The following RCHY1 variants were observed in gnomAD, a reference collection of about 807,000 sequenced individuals.
RCHY1 encodes the protein RING finger and CHY zinc finger domain-containing protein 1.
Under a neutral mutation model 41.6 loss-of-function variants are expected in RCHY1, and 21 were observed. The ratio of observed to expected loss-of-function variants is 0.51; its 90% CI spans 0.36 to 0.73. The LOEUF is 0.73. Among genes scored for constraint, RCHY1 ranks in the 30% least tolerant of loss-of-function variants. RCHY1 has a pLI of 0.00. For missense variants in RCHY1, 265 were observed against 325.3 expected (o/e 0.81, Z 1.43); for synonymous variants, 79 against 102.9 (o/e 0.77, Z 1.41).
intron 3 of RCHY1, among the ~76,000 whole-genome samples, chr4:75,501,792 G>A (rs1578228933): frequency 6.6e-6 from 1 of 152,256 alleles, no homozygotes; most frequent in African/African-American, 2.4e-5. Context: ...TAAAAGTTCT[G>A]AAAAGGCTCA....
At chr4:75,513,390 G>C (rs1250573762) in intron 1 of RCHY1, among the ~76,000 whole-genome samples, 1 of 152,140 alleles carries the variant, frequency 6.6e-6, no homozygotes, top group African/African-American at 2.4e-5. Context: ...ACGCCCTTTA[G>C]TATATAATCC....
intron 3 of RCHY1, among the ~76,000 whole-genome samples, chr4:75,499,317 C>G (rs1384263991): frequency 6.6e-6 from 1 of 152,170 alleles, no homozygotes; most frequent in African/African-American, 2.4e-5. Context: ...CCCTTGTATA[C>G]TACTTGTAGA....
chr4:75,491,243 T>A (rs1361064545), intron 7 of RCHY1: 1 of 178,230 alleles, frequency 5.6e-6, no homozygotes, highest in East Asian at 1.5e-4. Context: ...CTACTTTCTT[T>A]TAGTTTACTA....
rs371250778 is a variant in RCHY1, at chr4:75,490,680, A to C, written c.558T>G (p.Cys186Trp). 6.8e-6 allele frequency: 11 copies of C among 1,608,186 alleles called. No individual in the cohort carries two copies. The highest frequency in any genetic ancestry group is 9.4e-6 in the Non-Finnish European group (11 of 1,175,370). The change falls in exon 8 of 9, where the codon TGT becomes TGG. Residue 186 changes from cysteine to tryptophan, a missense_variant. Cys to Trp is a radical substitution (Grantham distance 215). Transcript: ENST00000324439. ...TGGTCATATCTAAAGCAGAGTGCAT[A>C]CATAATGGACATCTGTAGCCTCTGA... ...MLKEGYRCPL[C>W]MHSALDMTRY...
At chr4:75,488,629 T>A (rs1722464171) in intron 8 of RCHY1, among the ~76,000 whole-genome samples, 1 of 152,162 alleles carries the variant, frequency 6.6e-6, no homozygotes. Flanking sequence ...ACAATCCAAG[T>A]CAAATTACCT....
At chr4:75,488,403 A>T (rs1434378095) in intron 8 of RCHY1, among the ~76,000 whole-genome samples, 2 of 152,162 alleles carry the variant, frequency 1.3e-5, no homozygotes, top group African/African-American at 4.8e-5. Context: ...TGAAAGGATG[A>T]AAAGGACCCT....
chr4:75,513,337 C>T (rs1725146455), intron 1 of RCHY1, among the ~76,000 whole-genome samples: 1 of 152,160 alleles, frequency 6.6e-6, no homozygotes, highest in Non-Finnish European at 1.5e-5. Context: ...TATATATTTA[C>T]TACTCATTTA....
In RCHY1 at chr4:75,480,995, A is replaced by G. The variant is rs1045982632; in HGVS notation, c.*1543T>C. ...GACAGAGCAAAACCACTTCAAAAAA[A>G]AGTATTAGATCTGGAAAACTAGTCT... On this transcript the variant is annotated 3_prime_UTR_variant, in exon 9 of 9. Transcript: ENST00000324439. The G allele has an allele frequency of 6.6e-6, 1 of 152,254 alleles. No individual in the cohort carries two copies. The highest frequency in any genetic ancestry group is 2.4e-5 in the African/African-American group (1 of 41,454). The allele number at this position is 152,254 out of a possible 1,614,324, so 9.4% of individuals were successfully genotyped here. A position where few individuals can be genotyped will look rare whatever the true frequency, so the allele number is the denominator to read the frequency against.
intron 1 of RCHY1, 165 bp downstream of exon 1, chr4:75,514,032 C>A: frequency 9.1e-7 from 1 of 1,096,810 alleles, no homozygotes; most frequent in East Asian, 2.6e-5. Flanking sequence ...GGGCTTATCG[C>A]CTTGCCAAAA....
chr4:75,503,468 G>A (rs1723987811), intron 3 of RCHY1, among the ~76,000 whole-genome samples: 3 of 152,130 alleles, frequency 2.0e-5, no homozygotes, highest in South Asian at 2.1e-4. Context: ...AGGCCAAGGT[G>A]GGCGGATCAC....
In RCHY1 at chr4:75,487,592, A is replaced by AAT. The variant is rs374406012; in HGVS notation, c.657+2987_657+2988dup. Among the ~76,000 whole-genome samples the AAT allele has an allele frequency of 2.7e-3, 151 of 55,416 alleles. 3 individuals carry two copies. Among genetic ancestry groups the AAT allele is most frequent in the South Asian group, 5.9e-3 (10 of 1,682 alleles). The allele number at this position is 55,416 out of a possible 152,430, so 36.4% of individuals were successfully genotyped here. On this transcript the variant is annotated intron_variant, in intron 8 of 8. Coordinates refer to ENST00000324439, the MANE Select transcript of RCHY1 (RefSeq NM_015436.4). ...TATATATATTCATATATATATTCATAATATATATTCATATATATTCATAAT... is the reference window on the plus strand; with the variant it reads ...TATATATATTCATATATATATTCATAATATATATATTCATATATATTCATAAT...
chr4:75,484,913 T>C (rs978019724), intron 8 of RCHY1, among the ~76,000 whole-genome samples: 1 of 152,080 alleles, frequency 6.6e-6, no homozygotes, highest in African/African-American at 2.4e-5. Flanking sequence ...GCTCCCAAAT[T>C]AGACTCATCT....
intron 8 of RCHY1, among the ~76,000 whole-genome samples, chr4:75,487,826 TATATATATTCATA>T (rs1347851932): frequency 4.1e-5 from 4 of 97,142 alleles, no homozygotes; most frequent in Non-Finnish European, 6.2e-5. Flanking sequence ...ATATTCATAA[TATATATATTCATA>T]ATATATATTC....
chr4:75,483,846 C>T (rs930462169), intron 8 of RCHY1, among the ~76,000 whole-genome samples: 11 of 152,054 alleles, frequency 7.2e-5, no homozygotes, highest in African/African-American at 2.7e-4. Context: ...TGTAATATAA[C>T]CAAAAATTAT....
intron 3 of RCHY1, among the ~76,000 whole-genome samples, chr4:75,505,386 T>G (rs902670581): frequency 2.0e-5 from 3 of 152,202 alleles, no homozygotes; most frequent in Non-Finnish European, 4.4e-5. Flanking sequence ...GAAAATACCA[T>G]GATCTCATGA....
Position 75,509,258 on chromosome 4 carries a change from A to G in RCHY1, c.129T>C (p.Cys43=). ...GTTGATGATCTTCATTGTTATCATG[A>G]CACAAGCGGCAAGTATAAAGCTTGT... ...CCDKLYTCRL[C]HDNNEDHQLD... The change falls in exon 2 of 9, where the codon TGT becomes TGC. Residue 43 remains cysteine (C), a synonymous_variant. Transcript: ENST00000324439. The G allele has an allele frequency of 6.2e-6, 10 of 1,613,436 alleles. No individual in the cohort carries two copies. Among genetic ancestry groups the G allele is most frequent in the Non-Finnish European group, 8.5e-6 (10 of 1,179,576 alleles).
At chr4:75,494,213 TA>T in intron 3 of RCHY1, 34 bp from the exon 4 acceptor site, 6 of 1,357,098 alleles carry the variant, frequency 4.4e-6, no homozygotes, top group South Asian at 1.3e-5. Context: ...AAGATTAGAT[TA>T]TTTTTTACTA....
At chr4:75,500,989 T>G (rs561729633) in intron 3 of RCHY1, among the ~76,000 whole-genome samples, 3 of 152,204 alleles carry the variant, frequency 2.0e-5, no homozygotes, top group African/African-American at 7.2e-5. Context: ...TTTATAATTT[T>G]TATACATACT....
At chr4:75,496,163 A>C (rs1376229867) in intron 3 of RCHY1, among the ~76,000 whole-genome samples, 1 of 152,108 alleles carries the variant, frequency 6.6e-6, no homozygotes, top group Non-Finnish European at 1.5e-5. Flanking sequence ...CTACCCTCCC[A>C]TCTGAAAAAA....
Sources: allele counts gnomAD v4.1 joint callset (sites outside exome capture counted in the v4.1 genomes callset), GRCh38; gene constraint gnomAD v4.1.1; transcripts MANE v1.5; gene names NCBI Gene and HGNC (gene_info 2026-07-23, HGNC 2026-07-21).